Variants in DSG4 observed in about 807,000 individuals in gnomAD.
DSG4 encodes desmoglein-4.
A neutral mutation model predicts 93.1 loss-of-function variants in DSG4; 87 were observed. The observed-to-expected ratio is 0.93, with a 90% confidence interval of 0.79 to 1.12. The LOEUF is 1.12. Ranked by LOEUF, DSG4 falls within the 50% of genes most tolerant of loss-of-function variation. The pLI, the probability that DSG4 is intolerant of heterozygous loss-of-function variation, is 0.00. For synonymous variants in DSG4, 432 were observed against 452.9 expected, an observed-to-expected ratio of 0.95 and a Z score of 0.59; for missense variants, 1,373 against 1,285.7, an observed-to-expected ratio of 1.07 and a Z score of -1.04.
intron 7 of DSG4, 152 bp from the exon 8 acceptor site, chr18:31,392,003 C>T: frequency 1.5e-6 from 1 of 678,414 alleles, no homozygotes; most frequent in Non-Finnish European, 2.4e-6. Flanking sequence ...TCATTTTATT[C>T]TTATTCTCCT....
Position 31,413,035 on chromosome 18 carries a change from T to C in DSG4, c.2563T>C (p.Phe855Leu), listed in dbSNP as rs2072513396. The C allele has an allele frequency of 1.2e-6, 2 of 1,614,034 alleles. No individual in the cohort carries two copies. Among genetic ancestry groups the C allele is most frequent in the African/African-American group, 1.3e-5 (1 of 74,912 alleles). Residue 855 changes from phenylalanine (F) to leucine (L), a missense_variant, in exon 16 of 16, where the codon TTT becomes CTT. Phe to Leu is a conservative substitution (Grantham distance 22). Transcript: ENST00000308128. ...CTGCTTAAACACAGAAATTGAACCA[T>C]TTCCTTCACACCAGGCTTGTATACC... ...EICLNTEIEPFPSHQACIPIS... is the reference protein window; with the variant it reads ...EICLNTEIEPLPSHQACIPIS...
intron 2 of DSG4, 95 bp from the exon 3 acceptor site, chr18:31,386,593 G>A (rs1438163623): frequency 3.9e-6 from 6 of 1,552,140 alleles, no homozygotes; most frequent in East Asian, 2.3e-5. Context: ...CAATATCACT[G>A]TTTCTTCTAA....
chr18:31,379,079 T>G (rs1253853500), intron 1 of DSG4, among the ~76,000 whole-genome samples: 3 of 152,132 alleles, frequency 2.0e-5, no homozygotes, highest in Non-Finnish European at 2.9e-5. Flanking sequence ...TAGATTACAA[T>G]AGGGCACTGA....
At chr18:31,377,315 G>A (rs187372080) in intron 1 of DSG4, among the ~76,000 whole-genome samples, 2 of 152,284 alleles carry the variant, frequency 1.3e-5, no homozygotes, top group African/African-American at 2.4e-5. Context: ...GTGCAAATGG[G>A]TTCTAAATTT....
intron 4 of DSG4, 62 bp downstream of exon 4, chr18:31,388,584 A>G (rs2144173628): frequency 2.5e-6 from 4 of 1,593,942 alleles, no homozygotes; most frequent in Middle Eastern, 1.7e-4. Flanking sequence ...TTCAAAAAAT[A>G]TTATCTTAAG....
chr18:31,401,920 T>A (rs1015305026), intron 10 of DSG4, among the ~76,000 whole-genome samples: 3 of 152,324 alleles, frequency 2.0e-5, no homozygotes, highest in Non-Finnish European at 4.4e-5. Flanking sequence ...CATCTGTACA[T>A]CCTGGGCTTC....
At chr18:31,408,483 T>C (rs1312362106) in intron 12 of DSG4, among the ~76,000 whole-genome samples, 1 of 152,236 alleles carries the variant, frequency 6.6e-6, no homozygotes, top group Non-Finnish European at 1.5e-5. Flanking sequence ...AATTGCCAAA[T>C]TAATTGTTGT....
intron 2 of DSG4, among the ~76,000 whole-genome samples, chr18:31,385,579 T>A (rs1203758660): frequency 2.6e-5 from 4 of 152,188 alleles, no homozygotes. Flanking sequence ...ATGGAAAACA[T>A]ATAATCTAGT....
At chr18:31,383,573 A>C (rs2072157937) in intron 1 of DSG4, among the ~76,000 whole-genome samples, 1 of 152,036 alleles carries the variant, frequency 6.6e-6, no homozygotes, top group Admixed American at 6.6e-5. Context: ...TTAAAACTCA[A>C]GTTTAAAATA....
rs763882356 is a variant in DSG4 at position 31,409,785 on chromosome 18, C to T, written c.2114C>T (p.Thr705Ile). The T allele has an allele frequency of 6.2e-7, 1 of 1,614,140 alleles. No homozygotes were observed. Among genetic ancestry groups the T allele is most frequent in the South Asian group, 1.1e-5 (1 of 91,078 alleles). ...TGTGCACCCATGACAGCCTCAAATACCCAGGATCGGATGGATTCCTCTGGT... is the reference window on the plus strand; with the variant it reads ...TGTGCACCCATGACAGCCTCAAATATCCAGGATCGGATGGATTCCTCTGGT... Reference protein sequence around the residue: ...NICAPMTASNTQDRMDSSEIY... With the variant: ...NICAPMTASNIQDRMDSSEIY... The change falls in exon 14 of 16, where the codon ACC becomes ATC. Residue 705 changes from threonine (T) to isoleucine (I), a missense_variant. Transcript: ENST00000308128.
In DSG4 at chr18:31,392,317, G is replaced by A. The variant is rs908911212; in HGVS notation, c.982G>A (p.Glu328Lys). The part of the protein sequence containing the change: ...FDIQTDPQTN[E>K]GILKVVKMLD... Reference sequence around the variant, plus strand: ...TATTCAAACAGATCCACAAACCAATGAAGGCATTTTGAAAGTTGTCAAGGT... The same window carrying A: ...TATTCAAACAGATCCACAAACCAATAAAGGCATTTTGAAAGTTGTCAAGGT... The change falls in exon 8 of 16, where the codon GAA becomes AAA. Residue 328 changes from glutamate to lysine, a missense_variant. Physicochemically the swap from Glu to Lys is moderately conservative, Grantham distance 56. Coordinates refer to ENST00000308128, the MANE Select transcript of DSG4 (RefSeq NM_177986.5). The A allele has an allele frequency of 6.2e-7, 1 of 1,613,550 alleles. No homozygotes were observed. Among genetic ancestry groups the A allele is most frequent in the African/African-American group, 1.3e-5 (1 of 74,874 alleles).
At chr18:31,378,360 T>C (rs1052529240) in intron 1 of DSG4, among the ~76,000 whole-genome samples, 3 of 152,230 alleles carry the variant, frequency 2.0e-5, no homozygotes, top group African/African-American at 7.2e-5. Context: ...ACCGAGTATA[T>C]TCATGCTTTG....
chr18:31,400,837 ACTTT>A (rs773064121), intron 9 of DSG4, 40 bp from the exon 10 acceptor site: 1 of 1,601,646 alleles, frequency 6.2e-7, no homozygotes, highest in South Asian at 1.1e-5. Flanking sequence ...AAAAGTACTA[ACTTT>A]CATAAAAGCA....
Position 31,389,007 on chromosome 18 carries a change from A to C in DSG4, c.506A>C (p.Asn169Thr). The C allele has an allele frequency of 6.2e-7, 1 of 1,613,230 alleles. No individual in the cohort carries two copies. The highest frequency in any genetic ancestry group is 1.7e-5 in the Admixed American group (1 of 59,974). The change falls in exon 5 of 16, where the codon AAT becomes ACT. Residue 169 changes from asparagine to threonine, a missense_variant. Physicochemically the swap from Asn to Thr is moderately conservative, Grantham distance 65. Coordinates refer to ENST00000308128, the MANE Select transcript of DSG4 (RefSeq NM_177986.5). Reference sequence around the variant, plus strand: ...GTATACACAGCCAGCATTGAAGAAAATAGTGATGCCAGTAAGTAGAATGAC... The same window carrying C: ...GTATACACAGCCAGCATTGAAGAAACTAGTGATGCCAGTAAGTAGAATGAC... Reference protein sequence around the residue: ...QSVYTASIEENSDANTLVVKL... With the variant: ...QSVYTASIEETSDANTLVVKL...
chr18:31,409,960 C>CTT, intron 14 of DSG4, 152 bp downstream of exon 14: 3 of 817,864 alleles, frequency 3.7e-6, no homozygotes, highest in South Asian at 1.7e-5. Flanking sequence ...GAAGTAGCCA[C>CTT]TTTTTTTTTC....
rs542535108 is a variant in DSG4 at position 31,405,504 on chromosome 18, G to A, written c.1637-573G>A. ...TCTGGAAAGATGCAGCAAGGTCCTT[G>A]CCTGCATTATAGAAGTAGCAATCCA... On this transcript the variant is annotated intron_variant, in intron 11 of 15. Transcript: ENST00000308128. Among the ~76,000 whole-genome samples the A allele has an allele frequency of 2.6e-5, 4 of 151,926 alleles. No individual in the cohort carries two copies. In the South Asian group the frequency reaches 8.3e-4, roughly 32 times the overall value.
At chr18:31,392,008 T>A (rs1176956158) in intron 7 of DSG4, 147 bp from the exon 8 acceptor site, 5 of 689,540 alleles carry the variant, frequency 7.3e-6, no homozygotes, top group Non-Finnish European at 1.2e-5. Flanking sequence ...TTATTCTTAT[T>A]CTCCTGATTG....
chr18:31,410,079 A>G (rs1243139483), intron 14 of DSG4, among the ~76,000 whole-genome samples: 1 of 152,184 alleles, frequency 6.6e-6, no homozygotes, highest in African/African-American at 2.4e-5. Flanking sequence ...TAAGGGTTGC[A>G]TATCTTTTAT....
chr18:31,410,228 G>C (rs2072471311), intron 14 of DSG4, among the ~76,000 whole-genome samples: 1 of 152,062 alleles, frequency 6.6e-6, no homozygotes, highest in Non-Finnish European at 1.5e-5. Context: ...TAAGTCCTTA[G>C]TCAAGACATT....
Sources: allele counts gnomAD v4.1 joint callset (sites outside exome capture counted in the v4.1 genomes callset), GRCh38; gene constraint gnomAD v4.1.1; transcripts MANE v1.5; gene names NCBI Gene and HGNC (gene_info 2026-07-23, HGNC 2026-07-21).